Variants in SH3PXD2B observed in about 807,000 individuals in gnomAD.
The protein encoded by SH3PXD2B is SH3 and PX domain-containing protein 2B.
Under a neutral mutation model 73.1 loss-of-function variants are expected in SH3PXD2B, and 37 were observed. The observed-to-expected ratio is 0.51, with a 90% confidence interval of 0.39 to 0.67. The LOEUF is 0.67. Among genes scored for constraint, SH3PXD2B ranks in the 30% least tolerant of loss-of-function variants. The probability of loss-of-function intolerance (pLI) is 0.00; values close to 1 mark genes in which losing one functional copy is unlikely to be tolerated. For missense variants in SH3PXD2B, 1,053 were observed against 1,197.8 expected (o/e 0.88, Z 1.78); for synonymous variants, 457 against 480.5 (o/e 0.95, Z 0.64).
At chr5:172,450,139 T>A (rs564731824) in intron 1 of SH3PXD2B, among the ~76,000 whole-genome samples, 245 of 152,306 alleles carry the variant, frequency 1.6e-3, no homozygotes, top group African/African-American at 5.5e-3. Context: ...GACGGTTGCA[T>A]AGCTCTGCAA....
chr5:172,328,435 A>G (rs1198645514), intron 12 of SH3PXD2B, among the ~76,000 whole-genome samples: 1 of 152,066 alleles, frequency 6.6e-6, no homozygotes, highest in Non-Finnish European at 1.5e-5. Context: ...CTGGCCTCAA[A>G]TGATCCTCCT....
chr5:172,433,028 A>G (rs538451408), intron 1 of SH3PXD2B, among the ~76,000 whole-genome samples: 1 of 152,252 alleles, frequency 6.6e-6, no homozygotes, highest in African/African-American at 2.4e-5. Flanking sequence ...ACGTTTTCCA[A>G]TGACAGACCA....
intron 1 of SH3PXD2B, among the ~76,000 whole-genome samples, chr5:172,432,682 C>T (rs531985006): frequency 6.6e-6 from 1 of 151,982 alleles, no homozygotes; most frequent in African/African-American, 2.4e-5. Flanking sequence ...TTTGGCAGGC[C>T]GAGGCAGATG....
chr5:172,381,886 C>T lies in SH3PXD2B; in HGVS notation c.401+150G>A, dbSNP rs138855652. 337 of 614,894 alleles carry T rather than the reference C, an allele frequency of 5.5e-4. 1 individual carries two copies. The East Asian group carries it at 9.2e-3, about 17-fold the overall frequency. The allele number at this position is 614,894 out of a possible 1,614,324, so 38.1% of individuals were successfully genotyped here. ...ACGGACGATCGCTACCCACTTACAG[C>T]AACTCTGAAGGCTAAGTGAAGTGCG... is the stretch of plus-strand genomic sequence containing the variant. On this transcript the variant is annotated intron_variant, in intron 5 of 12. Transcript: ENST00000311601.
At chr5:172,402,477 T>C (rs1398302609) in intron 3 of SH3PXD2B, among the ~76,000 whole-genome samples, 1 of 152,212 alleles carries the variant, frequency 6.6e-6, no homozygotes, top group Non-Finnish European at 1.5e-5. Flanking sequence ...CCCTCCCCTT[T>C]TGAAAATCAC....
intron 2 of SH3PXD2B, among the ~76,000 whole-genome samples, chr5:172,413,126 G>A (rs1027016326): frequency 5.9e-5 from 9 of 152,316 alleles, no homozygotes; most frequent in African/African-American, 1.7e-4. Context: ...AAACCCCCAA[G>A]TCCCAGCGGA....
intron 3 of SH3PXD2B, among the ~76,000 whole-genome samples, chr5:172,395,006 T>C (rs1335183828): frequency 6.6e-6 from 1 of 152,148 alleles, no homozygotes; most frequent in Non-Finnish European, 1.5e-5. Context: ...GGGTGAACAG[T>C]ACAGTGGACA....
At chr5:172,368,512 A>ATATTT in intron 6 of SH3PXD2B, among the ~76,000 whole-genome samples, 1 of 25,670 alleles carries the variant, frequency 3.9e-5, no homozygotes, top group Non-Finnish European at 5.6e-5. Flanking sequence ...ATATATATAT[A>ATATTT]AAATATATAT....
chr5:172,413,098 TA>T (rs1383533830), intron 2 of SH3PXD2B, among the ~76,000 whole-genome samples: 2 of 152,316 alleles, frequency 1.3e-5, no homozygotes, highest in East Asian at 3.9e-4. Context: ...GGGAGGGGTT[TA>T]CCCCCTCAAT....
At chr5:172,332,435 T>A (rs1044157507), downstream of SH3PXD2B, among the ~76,000 whole-genome samples, 8 of 126,268 alleles carry the variant, frequency 6.3e-5, no homozygotes, top group Admixed American at 1.6e-4. Context: ...TTTTTTTTTT[T>A]AAACTTTGAG....
At chr5:172,349,246 A>C (rs1312169321) in intron 10 of SH3PXD2B, among the ~76,000 whole-genome samples, 2 of 152,330 alleles carry the variant, frequency 1.3e-5, no homozygotes, top group East Asian at 3.9e-4. Context: ...CTGCCACTTA[A>C]AAACAGCTGG....
At chr5:172,326,944 C>A (rs1051228307) in intron 12 of SH3PXD2B, among the ~76,000 whole-genome samples, 11 of 150,294 alleles carry the variant, frequency 7.3e-5, no homozygotes, top group South Asian at 2.1e-4. Flanking sequence ...GCAACCTCTG[C>A]GTCCTGGGTT....
chr5:172,417,527 G>A (rs1038804194), intron 2 of SH3PXD2B, among the ~76,000 whole-genome samples: 1 of 152,162 alleles, frequency 6.6e-6, no homozygotes, highest in Non-Finnish European at 1.5e-5. Flanking sequence ...AATCCATCTT[G>A]ACTGGGCTTC....
chr5:172,396,583 T>C (rs1758304186), intron 3 of SH3PXD2B, among the ~76,000 whole-genome samples: 1 of 150,500 alleles, frequency 6.6e-6, no homozygotes, highest in Non-Finnish European at 1.5e-5. Flanking sequence ...GGAAACTAGG[T>C]AGACAAGGTA....
intron 3 of SH3PXD2B, among the ~76,000 whole-genome samples, chr5:172,399,870 T>G (rs1161208395): frequency 6.6e-6 from 1 of 152,230 alleles, no homozygotes; most frequent in Non-Finnish European, 1.5e-5. Flanking sequence ...TGCCTTTTCC[T>G]GCACTTATTC....
intron 2 of SH3PXD2B, among the ~76,000 whole-genome samples, chr5:172,416,220 C>T (rs570300143): frequency 1.2e-4 from 19 of 152,004 alleles, no homozygotes; most frequent in Middle Eastern, 3.4e-3. Flanking sequence ...CTCAGCTACT[C>T]GGGAGGCTAA....
intron 1 of SH3PXD2B, among the ~76,000 whole-genome samples, chr5:172,423,097 G>C (rs1242370576): frequency 6.6e-6 from 1 of 152,182 alleles, no homozygotes. Context: ...TTATAAACCA[G>C]TGGGCTGTGC....
intron 4 of SH3PXD2B, among the ~76,000 whole-genome samples, chr5:172,384,033 G>A (rs966233535): frequency 6.6e-6 from 1 of 151,972 alleles, no homozygotes; most frequent in Non-Finnish European, 1.5e-5. Flanking sequence ...TTTTAGTAGA[G>A]ATGGGGTTTC....
At chr5:172,417,857 T>C (rs1406520616) in intron 2 of SH3PXD2B, among the ~76,000 whole-genome samples, 2 of 152,206 alleles carry the variant, frequency 1.3e-5, no homozygotes, top group Non-Finnish European at 2.9e-5. Flanking sequence ...GCTTCCAGTA[T>C]ATCCATAAGG....
Sources: allele counts gnomAD v4.1 joint callset (sites outside exome capture counted in the v4.1 genomes callset), GRCh38; gene constraint gnomAD v4.1.1; transcripts MANE v1.5; gene names NCBI Gene and HGNC (gene_info 2026-07-23, HGNC 2026-07-21).